The following ZFYVE9 variants were observed in gnomAD, a reference collection of about 807,000 sequenced individuals.
The protein encoded by ZFYVE9 is zinc finger FYVE domain-containing protein 9.
ZFYVE9 carries 43 observed loss-of-function variants against 126.7 expected under a neutral mutation model. That is an observed-to-expected ratio of 0.34 (90% confidence interval 0.27 to 0.44). ZFYVE9 has a LOEUF of 0.44. Ranked by LOEUF, ZFYVE9 falls within the 20% of genes least tolerant of loss-of-function variation. ZFYVE9 has a pLI of 1.00. For synonymous variants in ZFYVE9, 521 were observed against 597.4 expected (o/e 0.87, Z 1.87); for missense variants, 1,476 against 1,697.0 (o/e 0.87, Z 2.29).
At chr1:52,324,301 A>C (rs1646270735) in intron 13 of ZFYVE9, among the ~76,000 whole-genome samples, 1 of 152,132 alleles carries the variant, frequency 6.6e-6, no homozygotes, top group Non-Finnish European at 1.5e-5. Context: ...AAAACAAAAC[A>C]GATTGAATGA....
At chr1:52,264,000 A>G (rs1645610110) in intron 5 of ZFYVE9, 128 bp downstream of exon 5, 1 of 460,768 alleles carries the variant, frequency 2.2e-6, no homozygotes, top group Non-Finnish European at 3.8e-6. Flanking sequence ...ACTTTAACTG[A>G]AAATATTTAG....
At chr1:52,288,419 C>G (rs1283328984) in intron 10 of ZFYVE9, among the ~76,000 whole-genome samples, 3 of 152,176 alleles carry the variant, frequency 2.0e-5, no homozygotes, top group Non-Finnish European at 4.4e-5. Flanking sequence ...TCCTCCTCAG[C>G]CTCCCAAGGG....
At chr1:52,166,483 ACT>A (rs1474510393) in intron 1 of ZFYVE9, among the ~76,000 whole-genome samples, 1 of 152,142 alleles carries the variant, frequency 6.6e-6, no homozygotes, top group Non-Finnish European at 1.5e-5. Context: ...GGTTAGATAA[ACT>A]CTATTGAGTG....
chr1:52,247,021 A>C (rs1336670067), intron 4 of ZFYVE9, among the ~76,000 whole-genome samples: 4 of 151,902 alleles, frequency 2.6e-5, no homozygotes, highest in Non-Finnish European at 4.4e-5. Flanking sequence ...AATTTTTTAA[A>C]AAATTTAATG....
chr1:52,297,276 TC>T (rs1455433536), intron 12 of ZFYVE9, among the ~76,000 whole-genome samples: 1 of 148,034 alleles, frequency 6.8e-6, no homozygotes, highest in Non-Finnish European at 1.5e-5. Flanking sequence ...GGAGTCTCGC[TC>T]TGTTGTCCAG....
chr1:52,214,343 C>T (rs1645053547), intron 1 of ZFYVE9, among the ~76,000 whole-genome samples: 1 of 152,148 alleles, frequency 6.6e-6, no homozygotes, highest in African/African-American at 2.4e-5. Flanking sequence ...ACGAGAACTT[C>T]TTGAACCTGG....
intron 4 of ZFYVE9, among the ~76,000 whole-genome samples, chr1:52,247,646 A>G (rs1178636400): frequency 1.3e-5 from 2 of 151,926 alleles, no homozygotes; most frequent in African/African-American, 2.4e-5. Flanking sequence ...ACAAGCACCC[A>G]CCACCATGCC....
chr1:52,162,679 C>T (rs1384440575), intron 1 of ZFYVE9: 1 of 290,282 alleles, frequency 3.4e-6, no homozygotes, highest in Non-Finnish European at 7.0e-6. Flanking sequence ...GTGTTGGGAT[C>T]TGGATTTGCC....
chr1:52,227,769 A>G (rs936770529), intron 2 of ZFYVE9, among the ~76,000 whole-genome samples: 3 of 152,176 alleles, frequency 2.0e-5, no homozygotes, highest in African/African-American at 4.8e-5. Flanking sequence ...TTGGCACTCT[A>G]TTCCATCCTG....
Position 52,334,756 on chromosome 1 carries a change from A to G in ZFYVE9, c.3658A>G (p.Ser1220Gly), listed in dbSNP as rs772937600. ...KSSSGYLAKS[S>G]IVEDGVMVQI... is the part of the protein sequence containing the mutation. ...CTCTTCTGGATACCTTGCCAAGTCC[A>G]GTATTGTGGAAGGTAAAGAATGAAT... The change falls in exon 15 of 19, where the codon AGT (serine) becomes GGT (glycine). Residue 1220 changes from serine to glycine, a missense_variant. Around this residue, in one of 2 missense-constraint regions of ZFYVE9, gnomAD observed 669 missense variants for 902.4 expected, o/e 0.74. Coordinates refer to ENST00000287727, the MANE Select transcript of ZFYVE9 (RefSeq NM_004799.4). The G allele has an allele frequency of 7.4e-6, 12 of 1,613,816 alleles. No individual in the cohort carries two copies. The highest frequency in any genetic ancestry group is 3.3e-5 in the Admixed American group (2 of 60,002).
At chr1:52,183,935 C>T (rs1391016059) in intron 1 of ZFYVE9, among the ~76,000 whole-genome samples, 1 of 149,840 alleles carries the variant, frequency 6.7e-6, no homozygotes, top group African/African-American at 2.5e-5. Context: ...ACCTTGTGAT[C>T]CACCCACCTC....
chr1:52,196,968 TATC>T (rs2124562464), intron 1 of ZFYVE9, among the ~76,000 whole-genome samples: 1 of 152,324 alleles, frequency 6.6e-6, no homozygotes, highest in East Asian at 1.9e-4. Flanking sequence ...TTAATTTTAT[TATC>T]AAGATATATT....
intron 13 of ZFYVE9, among the ~76,000 whole-genome samples, chr1:52,306,690 C>G (rs1019658126): frequency 2.0e-5 from 3 of 152,256 alleles, no homozygotes; most frequent in Admixed American, 2.0e-4. Context: ...GTGACTCCCT[C>G]TTTGGGGCCC....
At chr1:52,261,428 A>G (rs988012745) in intron 4 of ZFYVE9, among the ~76,000 whole-genome samples, 1 of 151,998 alleles carries the variant, frequency 6.6e-6, no homozygotes, top group Admixed American at 6.5e-5. Flanking sequence ...ATTTTAGGTT[A>G]TAACCTGAAA....
rs145851113 is a variant in ZFYVE9, at chr1:52,233,247, A to G, written c.41A>G (p.Lys14Arg). The change falls in exon 3 of 19, where the codon AAG (lysine) becomes AGG (arginine). Residue 14 changes from lysine (K) to arginine (R), a missense_variant. Around this residue, in one of 2 missense-constraint regions of ZFYVE9, gnomAD observed 807 missense variants for 794.6 expected, o/e 1.02. Coordinates refer to ENST00000287727, the MANE Select transcript of ZFYVE9 (RefSeq NM_004799.4). ...YFQAEAYNLD[K>R]VLDEFEQNED... ...CAAGCAGAAGCTTACAACCTGGACA[A>G]GGTGTTAGATGAATTTGAACAAAAC... is the stretch of plus-strand genomic sequence containing the variant. 2.5e-5 allele frequency: 40 copies of G among 1,586,064 alleles called. No homozygotes were observed. The highest frequency in any genetic ancestry group is 5.1e-5 in the Admixed American group (3 of 58,918).
chr1:52,196,724 A>G (rs938209370), intron 1 of ZFYVE9, among the ~76,000 whole-genome samples: 2 of 152,164 alleles, frequency 1.3e-5, no homozygotes, highest in Non-Finnish European at 2.9e-5. Context: ...TAATAGGAGA[A>G]ATTTTTTAGT....
rs539508292 is a variant in ZFYVE9, at chr1:52,299,999, C to T, written c.3334-3822C>T. Among the ~76,000 whole-genome samples the T allele has an allele frequency of 4.6e-4, 70 of 152,302 alleles. 1 individual carries two copies. The highest frequency in any genetic ancestry group is 1.6e-3 in the African/African-American group (68 of 41,574). On this transcript the variant is annotated intron_variant, in intron 12 of 18. Transcript: ENST00000287727. ...ATGGGGACCATGGGTCCCCAGCTTA[C>T]CCTTTCCCCATTAGAAGTAGTCCTT...
intron 8 of ZFYVE9, 143 bp downstream of exon 8, chr1:52,274,727 G>T: frequency 1.1e-6 from 1 of 894,812 alleles, no homozygotes; most frequent in Non-Finnish European, 1.5e-6. Context: ...GAAAATGGTT[G>T]TTGCTGTTAT....
chr1:52,201,124 A>G lies in ZFYVE9; in HGVS notation c.-142-15245A>G, dbSNP rs975122765. Among the ~76,000 whole-genome samples the G allele has an allele frequency of 8.5e-5, 13 of 152,276 alleles. No individual in the cohort carries two copies. The East Asian group carries it at 2.3e-3, about 27-fold the overall frequency. ...GTCTTTCTGTTCGTGAACATGGAAT[A>G]TCTTTTCATTTATTTGGTTCTTTTA... On this transcript the variant is annotated intron_variant, in intron 1 of 18. Transcript: ENST00000287727.
Sources: allele counts gnomAD v4.1 joint callset (sites outside exome capture counted in the v4.1 genomes callset), GRCh38; gene constraint gnomAD v4.1.1; regional missense constraint gnomAD v4.1.1; transcripts MANE v1.5; gene names NCBI Gene and HGNC (gene_info 2026-07-23, HGNC 2026-07-21).